RPS7: variants seen among roughly 807,000 people sequenced by gnomAD.
RPS7 encodes ribosomal protein S7.
A neutral mutation model predicts 22.1 loss-of-function variants in RPS7; 1 was observed. The ratio of observed to expected loss-of-function variants is 0.05; its 90% CI spans 0.02 to 0.21. RPS7 has a LOEUF of 0.21. RPS7 is among the 10% of genes least tolerant of loss of function. The probability of loss-of-function intolerance (pLI) is 1.00; values close to 1 mark genes in which losing one functional copy is unlikely to be tolerated. For synonymous variants in RPS7, 80 were observed against 92.0 expected, an observed-to-expected ratio of 0.87 and a Z score of 0.74; for missense variants, 137 against 246.4, an observed-to-expected ratio of 0.56 and a Z score of 2.97.
chr2:3,577,418 C>A (rs1283162943), intron 4 of RPS7: 3 of 405,014 alleles, frequency 7.4e-6, no homozygotes, highest in Admixed American at 8.4e-5. Flanking sequence ...CAGGATTGAT[C>A]TGGAATAAAA....
intron 4 of RPS7, 134 bp downstream of exon 4, chr2:3,576,764 A>G: frequency 5.2e-6 from 6 of 1,164,036 alleles, no homozygotes; most frequent in South Asian, 4.9e-5. Flanking sequence ...GATAAAGTAC[A>G]GGCAGAGCGC....
In RPS7 at chr2:3,575,360, C is replaced by T. The variant is rs1040958926; in HGVS notation, c.-19+10C>T. On this transcript the variant is annotated intron_variant, in intron 1 of 6. Transcript: ENST00000645674. ...GCCGGCGCTCGGCAAGGTAGGTTGGCGGCCTGCTCTCCGACAGAACTTTTC... is the reference window on the plus strand; with the variant it reads ...GCCGGCGCTCGGCAAGGTAGGTTGGTGGCCTGCTCTCCGACAGAACTTTTC... 4 of 545,684 alleles carry T rather than the reference C, an allele frequency of 7.3e-6. No individual in the cohort carries two copies. In the East Asian group the frequency reaches 1.3e-4, roughly 17 times the overall value. The allele number at this position is 545,684 out of a possible 1,614,324, so 33.8% of individuals were successfully genotyped here.
Position 3,575,793 on chromosome 2 carries a change from G to T in RPS7, c.76-24G>T, listed in dbSNP as rs771393479. The stretch of plus-strand genomic sequence containing the variant: ...GTGCTCGGACGCGCGCTCAGGGTCG[G>T]TCCTGCTGTTCGTTGCTTCTTAGGC... On this transcript the variant is annotated intron_variant, in intron 2 of 6. Transcript: ENST00000645674. 1.9e-6 allele frequency: 3 copies of T among 1,609,880 alleles called. No homozygotes were observed. In the Admixed American group the frequency reaches 5.0e-5, roughly 27 times the overall value.
chr2:3,578,017 T>C (rs1408325894), intron 5 of RPS7: 2 of 551,334 alleles, frequency 3.6e-6, no homozygotes, highest in Non-Finnish European at 6.5e-6. Context: ...TTTCCTCCGA[T>C]TATTTGTGCA....
At chr2:3,580,662 G>T in intron 6 of RPS7, 143 bp from the exon 7 acceptor site, 1 of 688,360 alleles carries the variant, frequency 1.5e-6, no homozygotes, top group Non-Finnish European at 2.6e-6. Context: ...CTTGTCCCCG[G>T]TCGTGAAGAC....
Position 3,577,448 on chromosome 2 carries a change from G to T in RPS7, c.292-262G>T, listed in dbSNP as rs75452965. 44,232 of 515,964 alleles carry T rather than the reference G, an allele frequency of 0.086. 2,186 individuals carry two copies. Among genetic ancestry groups the T allele is most frequent in the Non-Finnish European group, 0.1 (28,727 of 287,932 alleles). 32.0% of individuals were successfully genotyped at this position (515,964 alleles called of 1,614,324 possible). On this transcript the variant is annotated intron_variant, in intron 4 of 6. Transcript: ENST00000645674. ...ATAAAAGTAGTATTCTGGGTCATAG[G>T]CATGGGGAAAGGCGTATCTGGGAGA...
At chr2:3,577,355 TACAGTTCGGATGGGGG>T in intron 4 of RPS7, 3 of 236,444 alleles carry the variant, frequency 1.3e-5, no homozygotes, top group Non-Finnish European at 2.5e-5. Flanking sequence ...AGAAACCTGT[TACAGTTCGGATGGGGG>T]ATTGGTGCAA....
rs1048451491 is a variant in RPS7 at position 3,576,743 on chromosome 2, T to C, written c.291+113T>C. On this transcript the variant is annotated intron_variant, in intron 4 of 6. Transcript: ENST00000645674. The stretch of plus-strand genomic sequence containing the variant: ...GAAAACAATCCTTTTATGAATCCAA[T>C]TGGGTAGAAAGATAAAGTACAGGCA... The C allele has an allele frequency of 3.5e-5, 45 of 1,282,952 alleles. 2 individuals carry two copies. The South Asian group carries it at 4.4e-4, about 13-fold the overall frequency. The allele number at this position is 1,282,952 out of a possible 1,614,324, so 79.5% of individuals were successfully genotyped here. A position where few individuals can be genotyped will look rare whatever the true frequency, so the allele number is the denominator to read the frequency against.
intron 3 of RPS7, chr2:3,576,160 A>C (rs568673429): frequency 9.6e-5 from 57 of 594,812 alleles, no homozygotes; most frequent in African/African-American, 8.9e-4. Context: ...ATTTGCCCTT[A>C]CTTAGTTATA....
intron 2 of RPS7, 65 bp from the exon 3 acceptor site, chr2:3,575,752 G>A (rs377748128): frequency 2.5e-6 from 4 of 1,594,528 alleles, no homozygotes; most frequent in Non-Finnish European, 3.4e-6. Flanking sequence ...GCGGCCGCGC[G>A]TGTGTTGGGC....
At chr2:3,578,796 G>C (rs539075334) in intron 5 of RPS7, 1 of 152,310 alleles carries the variant, frequency 6.6e-6, no homozygotes, top group South Asian at 2.1e-4. Context: ...AACAGTCCCA[G>C]AGGACTGTCC....
intron 5 of RPS7, chr2:3,579,908 T>C: frequency 3.3e-6 from 2 of 611,950 alleles, no homozygotes; most frequent in Non-Finnish European, 2.9e-6. Flanking sequence ...TTGAAATAAA[T>C]CAGTAAGCTA....
intron 6 of RPS7, chr2:3,580,579 T>C: frequency 1.6e-6 from 1 of 621,476 alleles, no homozygotes. Context: ...ACCATGTGGG[T>C]GACTGCTGGG....
intron 6 of RPS7, 108 bp downstream of exon 6, chr2:3,580,368 A>G (rs1423236011): frequency 2.0e-6 from 2 of 988,852 alleles, no homozygotes; most frequent in Non-Finnish European, 3.2e-6. Context: ...TAAACTCAGG[A>G]CTAGTTCTTT....
intron 3 of RPS7, 152 bp downstream of exon 3, chr2:3,576,040 A>G (rs1661270924): frequency 1.4e-6 from 1 of 693,588 alleles, no homozygotes; most frequent in Non-Finnish European, 2.6e-6. Flanking sequence ...TGGGAGTGAT[A>G]CCGCCCAGGT....
intron 3 of RPS7, chr2:3,576,099 G>A: frequency 1.6e-6 from 1 of 619,722 alleles, no homozygotes; most frequent in Non-Finnish European, 2.9e-6. Context: ...GTCCACATGC[G>A]GGCGGTGGAG....
intron 6 of RPS7, 95 bp downstream of exon 6, chr2:3,580,355 T>C: frequency 2.7e-6 from 3 of 1,112,498 alleles, no homozygotes; most frequent in South Asian, 2.5e-5. Flanking sequence ...GCAATGACTG[T>C]AGTAAACTCA....
chr2:3,580,323 C>T (rs1277144535), intron 6 of RPS7, 63 bp downstream of exon 6: 23 of 1,463,174 alleles, frequency 1.6e-5, no homozygotes, highest in Non-Finnish European at 2.2e-5. Context: ...TTTAGTGTAA[C>T]CAGTCTCCAT....
rs561105587 is a variant in RPS7, at chr2:3,577,336, A to G, written c.292-374A>G. On this transcript the variant is annotated intron_variant, in intron 4 of 6. Coordinates refer to ENST00000645674, the MANE Select transcript of RPS7 (RefSeq NM_001011.4). ...GGGCGACAGAGCGAGACTCCATCTC[A>G]AAAAAAGAAGAAACCTGTTACAGTT... The G allele has an allele frequency of 3.8e-5, 8 of 210,890 alleles. 1 individual carries two copies. The East Asian group carries it at 7.4e-4, about 19-fold the overall frequency. The allele number at this position is 210,890 out of a possible 1,614,324, so 13.1% of individuals were successfully genotyped here.
Sources: gnomAD v4.1 joint callset for allele counts on GRCh38, gnomAD v4.1.1 for gene constraint, MANE v1.5 for transcripts, NCBI Gene and HGNC (gene_info 2026-07-23, HGNC 2026-07-21) for gene names.